MARK3: variants seen among roughly 807,000 people sequenced by gnomAD.
MARK3 encodes microtubule affinity regulating kinase 3.
A neutral mutation model predicts 90.1 loss-of-function variants in MARK3; 46 were observed. That is an observed-to-expected ratio of 0.51 (90% CI 0.40 to 0.65). The LOEUF (loss-of-function observed/expected upper bound fraction) is 0.65. Ranked by LOEUF, MARK3 falls within the 30% of genes least tolerant of loss-of-function variation. The probability of loss-of-function intolerance (pLI) is 0.00; values close to 1 mark genes in which losing one functional copy is unlikely to be tolerated. For synonymous variants in MARK3, 321 were observed against 332.6 expected (o/e 0.97, Z 0.38); for missense variants, 818 against 947.2 (o/e 0.86, Z 1.79).
intron 1 of MARK3, among the ~76,000 whole-genome samples, chr14:103,387,553 T>G (rs919846746): frequency 6.6e-6 from 1 of 150,874 alleles, no homozygotes; most frequent in Non-Finnish European, 1.5e-5. Flanking sequence ...AGTGCAGTGG[T>G]GCGATCTTGG....
At chr14:103,424,402 A>G (rs1475790253) in intron 2 of MARK3, among the ~76,000 whole-genome samples, 4 of 151,680 alleles carry the variant, frequency 2.6e-5, no homozygotes, top group East Asian at 3.9e-4. Context: ...GCACGTGCCT[A>G]TAGTTCCATC....
At chr14:103,432,767 G>C (rs890189713) in intron 3 of MARK3, among the ~76,000 whole-genome samples, 1 of 152,156 alleles carries the variant, frequency 6.6e-6, no homozygotes, top group African/African-American at 2.4e-5. Context: ...AAGATGGGAG[G>C]ATCACTTGAG....
At chr14:103,410,869 C>T (rs1357807659) in intron 2 of MARK3, among the ~76,000 whole-genome samples, 1 of 151,982 alleles carries the variant, frequency 6.6e-6, no homozygotes, top group Non-Finnish European at 1.5e-5. Flanking sequence ...TTTATGATGT[C>T]TTTCTTGTTT....
At chr14:103,426,434 GACTTT>G (rs1162463690) in intron 2 of MARK3, among the ~76,000 whole-genome samples, 15 of 152,202 alleles carry the variant, frequency 9.9e-5, no homozygotes, top group Admixed American at 2.6e-4. Flanking sequence ...TCATTCCCTG[GACTTT>G]GGCTATAGAT....
At chr14:103,400,924 CAAAG>C (rs1793458061) in intron 1 of MARK3, among the ~76,000 whole-genome samples, 1 of 127,626 alleles carries the variant, frequency 7.8e-6, no homozygotes, top group Non-Finnish European at 1.6e-5. Flanking sequence ...AAAAAGTTAT[CAAAG>C]AATTATATAA....
At position 103,503,008 on chromosome 14, in the gene MARK3, A is replaced by G. The variant is rs1226660519; in HGVS notation, c.2043A>G (p.Lys681=). The G allele has an allele frequency of 6.2e-7, 1 of 1,614,264 alleles. No individual in the cohort carries two copies. The highest frequency in any genetic ancestry group is 1.1e-5 in the South Asian group (1 of 91,086). Residue 681 remains lysine, a synonymous_variant, in exon 18 of 18, where the codon AAA becomes AAG. Coordinates refer to ENST00000429436, the MANE Select transcript of MARK3 (RefSeq NM_001128918.3). ...DPGDMMREIR[K]VLDANNCDYE... ...GGGACATGATGCGGGAAATCCGCAAAGTGTTGGACGCCAATAACTGCGACT... is the reference window on the plus strand; with the variant it reads ...GGGACATGATGCGGGAAATCCGCAAGGTGTTGGACGCCAATAACTGCGACT...
chr14:103,493,230 G>A (rs2075106110), intron 15 of MARK3, among the ~76,000 whole-genome samples: 2 of 147,656 alleles, frequency 1.4e-5, no homozygotes, highest in South Asian at 4.3e-4. Context: ...GAATAGATTA[G>A]GGAGTATTCC....
At chr14:103,423,418 T>A (rs536573438) in intron 2 of MARK3, among the ~76,000 whole-genome samples, 1 of 152,272 alleles carries the variant, frequency 6.6e-6, no homozygotes, top group Admixed American at 6.5e-5. Context: ...GCTGCTGGCA[T>A]CAGAGTGAAT....
chr14:103,478,347 C>G (rs982646996), intron 13 of MARK3, among the ~76,000 whole-genome samples: 4 of 151,006 alleles, frequency 2.6e-5, no homozygotes, highest in East Asian at 2.0e-4. Flanking sequence ...ACTTTCCATT[C>G]CTCCTCTCCC....
chr14:103,397,845 AAG>A (rs2090683572), intron 1 of MARK3, among the ~76,000 whole-genome samples: 1 of 152,114 alleles, frequency 6.6e-6, no homozygotes, highest in East Asian at 1.9e-4. Context: ...TTCAGCTGTG[AAG>A]AGTCACATTA....
intron 2 of MARK3, among the ~76,000 whole-genome samples, chr14:103,406,920 G>A (rs1440049848): frequency 3.9e-5 from 6 of 152,128 alleles, no homozygotes; most frequent in Admixed American, 2.6e-4. Flanking sequence ...TGCAAGCTCC[G>A]CCTTCTGGGT....
chr14:103,442,627 C>G (rs976269654), intron 3 of MARK3, among the ~76,000 whole-genome samples: 1 of 152,040 alleles, frequency 6.6e-6, no homozygotes, highest in Non-Finnish European at 1.5e-5. Context: ...CATGTGGAAC[C>G]TAAAACACAC....
At chr14:103,419,320 A>T (rs1595575267) in intron 2 of MARK3, among the ~76,000 whole-genome samples, 1 of 152,080 alleles carries the variant, frequency 6.6e-6, no homozygotes, top group South Asian at 2.1e-4. Flanking sequence ...GAAAATTGAG[A>T]ACTCCCCAAA....
rs540978500 is a variant in MARK3 at position 103,414,357 on chromosome 14, C to T, written c.243+9090C>T. Among the ~76,000 whole-genome samples, 33 of 152,270 alleles carry T rather than the reference C, an allele frequency of 2.2e-4. 1 individual carries two copies. In the South Asian group the frequency reaches 4.8e-3, roughly 22 times the overall value. On this transcript the variant is annotated intron_variant, in intron 2 of 17. Coordinates refer to ENST00000429436, the MANE Select transcript of MARK3 (RefSeq NM_001128918.3). ...AGTAGCTGGGATTACAGGCATGTGC[C>T]ACCATGCCCAGCTAATTTTGTATTT...
chr14:103,462,362 A>G (rs759347577), intron 6 of MARK3, 43 bp from the exon 7 acceptor site: 1 of 1,414,802 alleles, frequency 7.1e-7, no homozygotes, highest in Non-Finnish European at 1.0e-6. Context: ...CTTAATTACG[A>G]ATCTGCACCA....
At chr14:103,422,490 A>G (rs898513684) in intron 2 of MARK3, among the ~76,000 whole-genome samples, 2 of 152,168 alleles carry the variant, frequency 1.3e-5, no homozygotes, top group East Asian at 3.8e-4. Context: ...CATACATAAA[A>G]AGTGCCCAAA....
At chr14:103,486,281 A>G (rs1484354619) in intron 14 of MARK3, among the ~76,000 whole-genome samples, 2 of 152,136 alleles carry the variant, frequency 1.3e-5, no homozygotes, top group African/African-American at 4.8e-5. Flanking sequence ...TCTACTAAAA[A>G]TACAAAAATT....
chr14:103,468,357 C>T (rs1443270558), intron 12 of MARK3, among the ~76,000 whole-genome samples, 171 bp downstream of exon 12: 2 of 112,382 alleles, frequency 1.8e-5, no homozygotes, highest in East Asian at 6.3e-4. Flanking sequence ...CAGAGTCTCA[C>T]TCTGTTGCCC....
intron 17 of MARK3, among the ~76,000 whole-genome samples, chr14:103,502,127 C>G (rs978737318): frequency 6.6e-6 from 1 of 152,166 alleles, no homozygotes; most frequent in East Asian, 1.9e-4. Context: ...CCCTAGAGAC[C>G]CCGGCCTGGG....
Sources: gnomAD v4.1 joint callset for allele counts (sites outside exome capture counted in the v4.1 genomes callset) on GRCh38, gnomAD v4.1.1 for gene constraint, MANE v1.5 for transcripts, NCBI Gene and HGNC (gene_info 2026-07-23, HGNC 2026-07-21) for gene names.